SYT7: variants seen among roughly 807,000 people sequenced by gnomAD.
SYT7 encodes synaptotagmin 7.
A neutral mutation model predicts 75.1 loss-of-function variants in SYT7; 29 were observed. The ratio of observed to expected loss-of-function variants is 0.39; its 90% CI spans 0.29 to 0.53. SYT7 has a LOEUF of 0.53. SYT7 is among the 20% of genes least tolerant of loss of function. The pLI, the probability that SYT7 is intolerant of heterozygous loss-of-function variation, is 0.77. For synonymous variants in SYT7, 376 were observed against 401.7 expected, an observed-to-expected ratio of 0.94 and a Z score of 0.76; for missense variants, 693 against 953.2, an observed-to-expected ratio of 0.73 and a Z score of 3.59.
Position 61,553,105 on chromosome 11 carries a change from G to GA in SYT7, c.136-1643dup, listed in dbSNP as rs1381468649. On this transcript the variant is annotated intron_variant, in intron 2 of 12. Coordinates refer to ENST00000539008, the MANE Select transcript of SYT7 (RefSeq NM_001365809.2). This position sits in a 1 kb window ranked among gnomAD's most constrained non-coding sequence, Gnocchi z 5.2. ...CCTCTAAGTCAGAACTTTAAGAGTT[G>GA]AAATATAGAGATGCCGGACACCCTG... Among the ~76,000 whole-genome samples, 1 of 152,062 alleles carries GA rather than the reference G, an allele frequency of 6.6e-6. No individual in the cohort carries two copies. The highest frequency in any genetic ancestry group is 1.5e-5 in the Non-Finnish European group (1 of 67,998).
chr11:61,533,522 G>A (rs1446793309), intron 7 of SYT7: 37 of 985,278 alleles, frequency 3.8e-5, no homozygotes, highest in South Asian at 2.3e-4. Flanking sequence ...AGGCTCCACC[G>A]TGGTGTGGTG....
chr11:61,528,149 C>T lies in SYT7; in HGVS notation c.1237G>A (p.Gly413Ser), dbSNP rs764670827. 9.9e-6 allele frequency: 16 copies of T among 1,612,530 alleles called. No homozygotes were observed. Among genetic ancestry groups the T allele is most frequent in the Non-Finnish European group, 1.4e-5 (16 of 1,179,988 alleles). ...PGSEEDEAHE[G>S]CSRENLGRIQ... The stretch of plus-strand genomic sequence containing the variant: ...CGGCCCAGGTTCTCTCGGCTGCAAC[C>T]CTCGTGGGCCTCATCCTCCTCGGAG... The change falls in exon 9 of 13, where the codon GGT becomes AGT. Residue 413 changes from glycine to serine, a missense_variant. Physicochemically the swap from Gly to Ser is moderately conservative, Grantham distance 56. Around this residue, in one of 2 missense-constraint regions of SYT7, gnomAD observed 487 missense variants for 593.2 expected, o/e 0.82. Transcript: ENST00000539008.
intron 8 of SYT7, among the ~76,000 whole-genome samples, chr11:61,531,891 CAAAAAAAA>C (rs58242073): frequency 1.0e-4 from 5 of 49,412 alleles, no homozygotes; most frequent in African/African-American, 2.2e-4. Context: ...GATTCTGTCT[CAAAAAAAA>C]AAAAAAAAAA....
rs1392827970 is a variant in SYT7 at position 61,580,757 on chromosome 11, C to A, written c.31+33G>T. ...GCTGCCGCTGTCCTGCCCGCCGGTG[C>A]GGGGCGCCCCAGCCCGCCGGGGCCG... On this transcript the variant is annotated intron_variant, in intron 1 of 12. Transcript: ENST00000539008. The surrounding 1 kb of genome is among the most constrained non-coding windows in gnomAD (Gnocchi z 6.1). 4.9e-6 allele frequency: 6 copies of A among 1,226,454 alleles called. No individual in the cohort carries two copies. In the African/African-American group the frequency reaches 7.9e-5, roughly 16 times the overall value. 76.0% of individuals were successfully genotyped at this position (1,226,454 alleles called of 1,614,324 possible). A position where few individuals can be genotyped will look rare whatever the true frequency, so the allele number is the denominator to read the frequency against.
chr11:61,572,119 G>T (rs530325010), intron 1 of SYT7, among the ~76,000 whole-genome samples: 10 of 151,164 alleles, frequency 6.6e-5, no homozygotes, highest in South Asian at 2.1e-4. Flanking sequence ...ATGAGGTTGG[G>T]GGGGGGGCAC....
At chr11:61,539,904 C>T (rs2062993216) in intron 6 of SYT7, 1 of 152,100 alleles carries the variant, frequency 6.6e-6, no homozygotes, top group Non-Finnish European at 1.5e-5. Context: ...CAACTCTATA[C>T]CCTCCCTCAG....
In SYT7 at chr11:61,551,486, AC is replaced by A; in HGVS notation, c.136-24del. 1 of 1,611,540 alleles carries A rather than the reference AC, an allele frequency of 6.2e-7. No homozygotes were observed. Among genetic ancestry groups the A allele is most frequent in the Non-Finnish European group, 8.5e-7 (1 of 1,178,570 alleles). On this transcript the variant is annotated intron_variant, in intron 2 of 12. Coordinates refer to ENST00000539008, the MANE Select transcript of SYT7 (RefSeq NM_001365809.2). This position sits in a 1 kb window ranked among gnomAD's most constrained non-coding sequence, Gnocchi z 5.3. ...GCCCTGTGGAGATAGCACTAGGATC[AC>A]TCCTGGGGAACAGGACTGTACCCTC...
Position 61,518,606 on chromosome 11 carries a change from C to T in SYT7, c.*21G>A, listed in dbSNP as rs753134254. On this transcript the variant is annotated 3_prime_UTR_variant, in exon 13 of 13. Coordinates refer to ENST00000539008, the MANE Select transcript of SYT7 (RefSeq NM_001365809.2). ...GATGGGGACCTGGGCCCTCGGCCCC[C>T]TGGGCCTCCCTTGGCCCCACTCAGG... 2.6e-6 allele frequency: 4 copies of T among 1,516,188 alleles called. No individual in the cohort carries two copies. In the African/African-American group the frequency reaches 5.6e-5, roughly 21 times the overall value. 93.9% of individuals were successfully genotyped at this position (1,516,188 alleles called of 1,614,324 possible).
At position 61,524,570 on chromosome 11, in the gene SYT7, G is replaced by A. The variant is rs2062453402; in HGVS notation, c.1472-38C>T. On this transcript the variant is annotated intron_variant, in intron 9 of 12. Coordinates refer to ENST00000539008, the MANE Select transcript of SYT7 (RefSeq NM_001365809.2). The surrounding 1 kb of genome is among the most constrained non-coding windows in gnomAD (Gnocchi z 4.1). ...ATGAGTGTGAGTGAAGAGGGGGACA[G>A]AGGGGCTGCACGGGGCCCGGGAGGC... The A allele has an allele frequency of 6.5e-6, 10 of 1,538,526 alleles. No individual in the cohort carries two copies. The highest frequency in any genetic ancestry group is 8.8e-6 in the Non-Finnish European group (10 of 1,139,696).
chr11:61,588,067 G>A, the SYT7 span, among the ~76,000 whole-genome samples: 1 of 152,228 alleles, frequency 6.6e-6, no homozygotes, highest in Non-Finnish European at 1.5e-5. Flanking sequence ...CGGGAGAGCT[G>A]TGACTGTCCC....
At chr11:61,521,984 G>C (rs1180964839) in intron 12 of SYT7, among the ~76,000 whole-genome samples, 1 of 152,194 alleles carries the variant, frequency 6.6e-6, no homozygotes, top group Non-Finnish European at 1.5e-5. Flanking sequence ...GGCTCAGAGA[G>C]GTTACAGCGT....
At chr11:61,587,912 C>G in the SYT7 span, among the ~76,000 whole-genome samples, 1 of 152,078 alleles carries the variant, frequency 6.6e-6, no homozygotes, top group Non-Finnish European at 1.5e-5. Context: ...AGGAGGGGGA[C>G]GGTACACAGA....
intron 1 of SYT7, among the ~76,000 whole-genome samples, chr11:61,572,026 G>C (rs1406487874): frequency 6.6e-6 from 1 of 152,194 alleles, no homozygotes; most frequent in African/African-American, 2.4e-5. Flanking sequence ...TTAGAGTTCT[G>C]GGTATTTTTA....
rs1389989473 is a variant in SYT7, at chr11:61,524,565, G to C, written c.1472-33C>G. 1 of 1,540,474 alleles carries C rather than the reference G, an allele frequency of 6.5e-7. No individual in the cohort carries two copies. The highest frequency in any genetic ancestry group is 8.8e-7 in the Non-Finnish European group (1 of 1,140,756). ...TATAGATGAGTGTGAGTGAAGAGGGGGACAGAGGGGCTGCACGGGGCCCGG... is the reference window on the plus strand; with the variant it reads ...TATAGATGAGTGTGAGTGAAGAGGGCGACAGAGGGGCTGCACGGGGCCCGG... On this transcript the variant is annotated intron_variant, in intron 9 of 12. Transcript: ENST00000539008. This position sits in a 1 kb window ranked among gnomAD's most constrained non-coding sequence, Gnocchi z 4.1.
Position 61,580,865 on chromosome 11 carries a change from G to A in SYT7, c.-45C>T. 2 of 1,180,010 alleles carry A rather than the reference G, an allele frequency of 1.7e-6. No individual in the cohort carries two copies. The highest frequency in any genetic ancestry group is 4.6e-5 in the Admixed American group (1 of 21,790). The allele number at this position is 1,180,010 out of a possible 1,614,324, so 73.1% of individuals were successfully genotyped here. A position where few individuals can be genotyped will look rare whatever the true frequency, so the allele number is the denominator to read the frequency against. Reference sequence around the variant, plus strand: ...CCCTCCGGGCTCCTCAGAGCCGCCCGCGGCCGCGCGCTGCTCCGCCGCCGC... The same window carrying A: ...CCCTCCGGGCTCCTCAGAGCCGCCCACGGCCGCGCGCTGCTCCGCCGCCGC... On this transcript the variant is annotated 5_prime_UTR_variant, in exon 1 of 13. Transcript: ENST00000539008. This position sits in a 1 kb window ranked among gnomAD's most constrained non-coding sequence, Gnocchi z 6.1.
chr11:61,521,019 T>C, intron 12 of SYT7, among the ~76,000 whole-genome samples: 1 of 152,142 alleles, frequency 6.6e-6, no homozygotes, highest in East Asian at 1.9e-4. Flanking sequence ...TGTGGTGAGT[T>C]CTCTCAGCCA....
chr11:61,526,417 C>T (rs2062518293), intron 9 of SYT7: 1 of 152,232 alleles, frequency 6.6e-6, no homozygotes, highest in Non-Finnish European at 1.5e-5. Context: ...ACTCATCCAT[C>T]AGAACCCATT....
chr11:61,537,157 T>A (rs1227160934), intron 7 of SYT7, among the ~76,000 whole-genome samples: 1 of 152,190 alleles, frequency 6.6e-6, no homozygotes. Context: ...TTTGGTCTGA[T>A]GGGAAGCAGA....
At position 61,542,454 on chromosome 11, in the gene SYT7, T is replaced by G; in HGVS notation, c.698A>C (p.Gln233Pro). 6.5e-7 allele frequency: 1 copy of G among 1,532,962 alleles called. No individual in the cohort carries two copies. Among genetic ancestry groups the G allele is most frequent in the Non-Finnish European group, 8.7e-7 (1 of 1,146,098 alleles). 95.0% of individuals were successfully genotyped at this position (1,532,962 alleles called of 1,614,324 possible). ...GCTGGGCTGCCGGCCCCGCTGGTGC[T>G]GGCTCAGCGGCTGTTGCAGGCTCTG... ...RQQSLQQPLS[Q>P]HQRGRQPSQP... is the part of the protein sequence containing the mutation. The change falls in exon 6 of 13, where the codon CAG becomes CCG. Residue 233 changes from glutamine to proline, a missense_variant. Coordinates refer to ENST00000539008, the MANE Select transcript of SYT7 (RefSeq NM_001365809.2). This position sits in a 1 kb window ranked among gnomAD's most constrained non-coding sequence, Gnocchi z 7.8.
Sources: allele counts gnomAD v4.1 joint callset (sites outside exome capture counted in the v4.1 genomes callset), GRCh38; gene constraint gnomAD v4.1.1; regional missense constraint gnomAD v4.1.1; non-coding constraint Gnocchi (gnomAD v3.1); transcripts MANE v1.5; gene names NCBI Gene and HGNC (gene_info 2026-07-23, HGNC 2026-07-21).